The following SGCD variants were observed in gnomAD, a reference collection of about 807,000 sequenced individuals.
The protein encoded by SGCD is sarcoglycan delta.
Under a neutral mutation model 36.6 loss-of-function variants are expected in SGCD, and 18 were observed. That is an observed-to-expected ratio of 0.49 (90% CI 0.34 to 0.73). SGCD has a LOEUF of 0.73. Ranked by LOEUF, SGCD falls within the 30% of genes least tolerant of loss-of-function variation. SGCD has a pLI of 0.01. For synonymous variants in SGCD, 133 were observed against 130.6 expected (o/e 1.02, Z -0.12); for missense variants, 387 against 346.7 (o/e 1.12, Z -0.92).
At chr5:156,144,068 C>T (rs1177530847) in intron 3 of SGCD, among the ~76,000 whole-genome samples, 2 of 151,876 alleles carry the variant, frequency 1.3e-5, no homozygotes, top group Non-Finnish European at 2.9e-5. Flanking sequence ...GACATGAACT[C>T]TTCATTTTTT....
the SGCD span, among the ~76,000 whole-genome samples, chr5:155,840,423 TTTTGTATTTTTAGTATTTTTGTA>T: frequency 6.7e-6 from 1 of 150,354 alleles, no homozygotes; most frequent in Non-Finnish European, 1.5e-5. Flanking sequence ...TTTTTTTTTT[TTTTGTATTTTTAGTATTTTTGTA>T]TTTTTTTGTA....
At chr5:156,697,835 A>T (rs1754381618) in intron 7 of SGCD, among the ~76,000 whole-genome samples, 1 of 152,128 alleles carries the variant, frequency 6.6e-6, no homozygotes, top group Admixed American at 6.6e-5. Context: ...ACTGACGGAT[A>T]CATGCATGAC....
At chr5:156,497,702 G>A (rs1484434845) in intron 3 of SGCD, among the ~76,000 whole-genome samples, 1 of 151,544 alleles carries the variant, frequency 6.6e-6, no homozygotes, top group East Asian at 1.9e-4. Context: ...TTAGCATTAT[G>A]GTAACTAGAG....
chr5:156,405,175 CAA>C (rs1170194922), intron 3 of SGCD, among the ~76,000 whole-genome samples: 6 of 152,146 alleles, frequency 3.9e-5, no homozygotes, highest in Non-Finnish European at 7.4e-5. Flanking sequence ...CACCAACTAA[CAA>C]GAGAGAAAGA....
chr5:155,974,800 G>C (rs977950488), intron 1 of SGCD, among the ~76,000 whole-genome samples: 2 of 151,806 alleles, frequency 1.3e-5, no homozygotes, highest in Non-Finnish European at 2.9e-5. Flanking sequence ...ACCCTTGAAG[G>C]GATATCCCCG....
chr5:156,307,318 A>C (rs908198861), intron 3 of SGCD, among the ~76,000 whole-genome samples: 4 of 152,172 alleles, frequency 2.6e-5, no homozygotes, highest in Non-Finnish European at 4.4e-5. Context: ...AGTGCTGCAC[A>C]GATGTGAGCC....
chr5:156,583,887 G>C (rs182239414), intron 4 of SGCD, among the ~76,000 whole-genome samples: 55 of 152,326 alleles, frequency 3.6e-4, no homozygotes, highest in Admixed American at 2.7e-3. Flanking sequence ...TGAGGAAACT[G>C]CCTTCCATTT....
intron 3 of SGCD, among the ~76,000 whole-genome samples, chr5:156,247,279 C>T (rs996345241): frequency 2.0e-5 from 3 of 152,120 alleles, no homozygotes; most frequent in African/African-American, 7.2e-5. Flanking sequence ...GAAAGCTTCC[C>T]GTTTTTTGAA....
intron 1 of SGCD, among the ~76,000 whole-genome samples, chr5:155,931,945 G>A (rs528149891): frequency 6.6e-6 from 1 of 152,310 alleles, no homozygotes; most frequent in South Asian, 2.1e-4. Flanking sequence ...TATAAATGGT[G>A]CCTTCTCCCT....
At chr5:156,303,056 C>A (rs1368022164) in intron 3 of SGCD, among the ~76,000 whole-genome samples, 1 of 152,208 alleles carries the variant, frequency 6.6e-6, no homozygotes, top group Non-Finnish European at 1.5e-5. Context: ...TCCCTCAGGG[C>A]AGTTAGCTGC....
intron 3 of SGCD, among the ~76,000 whole-genome samples, chr5:156,499,875 A>C (rs1264192802): frequency 1.3e-5 from 2 of 152,232 alleles, no homozygotes; most frequent in African/African-American, 4.8e-5. Flanking sequence ...CCATTTATAA[A>C]GAGAAGAAAG....
intron 3 of SGCD, among the ~76,000 whole-genome samples, chr5:156,198,324 A>G (rs1488531661): frequency 6.6e-6 from 1 of 152,180 alleles, no homozygotes; most frequent in Non-Finnish European, 1.5e-5. Context: ...TTATGTTCAC[A>G]TAGGAAATAA....
At chr5:155,768,084 G>A in the SGCD span, among the ~76,000 whole-genome samples, 1 of 152,044 alleles carries the variant, frequency 6.6e-6, no homozygotes, top group Non-Finnish European at 1.5e-5. Context: ...CAGTAGTACT[G>A]TTAGATGATT....
At chr5:155,813,529 C>T in the SGCD span, among the ~76,000 whole-genome samples, 3 of 152,172 alleles carry the variant, frequency 2.0e-5, no homozygotes, top group African/African-American at 7.2e-5. Flanking sequence ...AATATGATCA[C>T]TGAGAAGTGA....
chr5:156,136,532 G>C (rs1186523529), intron 3 of SGCD, among the ~76,000 whole-genome samples: 1 of 152,178 alleles, frequency 6.6e-6, no homozygotes, highest in African/African-American at 2.4e-5. Context: ...TGCATCCATG[G>C]ATTAAAAGTT....
the SGCD span, among the ~76,000 whole-genome samples, chr5:155,764,920 G>A: frequency 2.0e-5 from 3 of 152,224 alleles, no homozygotes; most frequent in East Asian, 1.9e-4. Context: ...TGATTGACTC[G>A]ATTGGAAGCC....
intron 3 of SGCD, among the ~76,000 whole-genome samples, chr5:156,427,691 A>G (rs1580977239): frequency 6.6e-6 from 1 of 151,972 alleles, no homozygotes; most frequent in Non-Finnish European, 1.5e-5. Flanking sequence ...GATGGCTTTT[A>G]TTACTTTGAG....
At chr5:156,504,383 T>TGG (rs1278768999) in intron 3 of SGCD, among the ~76,000 whole-genome samples, 6 of 126,132 alleles carry the variant, frequency 4.8e-5, no homozygotes, top group African/African-American at 1.7e-4. Context: ...TATATGTGGG[T>TGG]GTGTGTGTGT....
intron 7 of SGCD, among the ~76,000 whole-genome samples, chr5:156,725,205 T>C (rs115822222): frequency 0.011 from 1,711 of 151,920 alleles, 30 homozygotes; most frequent in African/African-American, 0.036. Context: ...TTCCAAGGAG[T>C]TGTCTAGAAT....
Sources: allele counts gnomAD v4.1 joint callset (sites outside exome capture counted in the v4.1 genomes callset), GRCh38; gene constraint gnomAD v4.1.1; transcripts MANE v1.5; gene names NCBI Gene and HGNC (gene_info 2026-07-23, HGNC 2026-07-21).